RARB: variants seen among roughly 807,000 people sequenced by gnomAD.
The protein encoded by RARB is retinoic acid receptor beta, also known as HBV-activated protein.
Under a neutral mutation model 51.9 loss-of-function variants are expected in RARB, and 17 were observed. The observed-to-expected ratio is 0.33, with a 90% CI of 0.22 to 0.49. RARB has a LOEUF of 0.49. Among genes scored for constraint, RARB ranks in the 20% least tolerant of loss-of-function variants. RARB has a pLI of 0.99. For missense variants in RARB, 369 were observed against 550.8 expected, an observed-to-expected ratio of 0.67 and a Z score of 3.30; for synonymous variants, 215 against 195.4, an observed-to-expected ratio of 1.10 and a Z score of -0.84.
chr3:25,205,094 C>T (rs1701503781), intron 5 of RARB, among the ~76,000 whole-genome samples: 1 of 152,210 alleles, frequency 6.6e-6, no homozygotes, highest in African/African-American at 2.4e-5. Flanking sequence ...TTCCTGGCTG[C>T]TTTGGTTACC....
chr3:25,519,742 T>C (rs1349347909), intron 3 of RARB, among the ~76,000 whole-genome samples: 1 of 152,190 alleles, frequency 6.6e-6, no homozygotes, highest in Non-Finnish European at 1.5e-5. Flanking sequence ...GAAAAGCTAC[T>C]TTTAAAAAGC....
At chr3:25,000,191 T>C (rs529897520) in intron 2 of RARB, among the ~76,000 whole-genome samples, 3 of 152,242 alleles carry the variant, frequency 2.0e-5, no homozygotes, top group African/African-American at 7.2e-5. Context: ...GGTGCAATGA[T>C]TGAGAGATTC....
chr3:25,147,769 G>A (rs1700218116), intron 4 of RARB, among the ~76,000 whole-genome samples: 2 of 152,202 alleles, frequency 1.3e-5, no homozygotes, highest in African/African-American at 4.8e-5. Context: ...AGTTTCCATT[G>A]CAAAGAGGGC....
intron 2 of RARB, among the ~76,000 whole-genome samples, chr3:25,045,679 G>A (rs1698201177): frequency 6.6e-6 from 1 of 152,182 alleles, no homozygotes. Flanking sequence ...AAAAATGTAA[G>A]CTATGAGTCT....
intron 3 of RARB, among the ~76,000 whole-genome samples, chr3:25,535,379 A>T (rs1312646733): frequency 2.0e-5 from 3 of 151,038 alleles, no homozygotes; most frequent in Non-Finnish European, 4.4e-5. Flanking sequence ...ACATCGGGCA[A>T]ATAACCTCTT....
intron 5 of RARB, among the ~76,000 whole-genome samples, chr3:25,378,025 A>G (rs556220442): frequency 6.6e-6 from 1 of 152,300 alleles, no homozygotes; most frequent in East Asian, 1.9e-4. Flanking sequence ...AGCAATTTAG[A>G]TGAAAATGGA....
chr3:25,355,483 A>T (rs926910449), intron 5 of RARB, among the ~76,000 whole-genome samples: 1 of 151,846 alleles, frequency 6.6e-6, no homozygotes, highest in Non-Finnish European at 1.5e-5. Flanking sequence ...TCTTGACAGG[A>T]GTTTATTTGG....
At chr3:25,002,959 T>G (rs1460453614) in intron 2 of RARB, among the ~76,000 whole-genome samples, 4 of 152,112 alleles carry the variant, frequency 2.6e-5, no homozygotes, top group Admixed American at 2.0e-4. Context: ...TACTTTACAA[T>G]AGTAAAAGAT....
chr3:25,210,609 C>G (rs774523101), intron 5 of RARB, among the ~76,000 whole-genome samples: 8 of 136,732 alleles, frequency 5.9e-5, no homozygotes, highest in Non-Finnish European at 9.2e-5. Context: ...AATCTCGGCT[C>G]ACTGCATCCT....
intron 2 of RARB, among the ~76,000 whole-genome samples, chr3:24,866,660 G>C (rs1020403609): frequency 2.0e-5 from 3 of 152,140 alleles, no homozygotes; most frequent in African/African-American, 7.2e-5. Context: ...AGTATGTGGG[G>C]TTTTCTTCCA....
At chr3:25,320,986 C>A (rs1043374932) in intron 5 of RARB, among the ~76,000 whole-genome samples, 3 of 152,170 alleles carry the variant, frequency 2.0e-5, no homozygotes, top group African/African-American at 7.2e-5. Context: ...TTCTTTATAT[C>A]CTTCTTTGAA....
chr3:25,290,090 A>G (rs1034779982), intron 5 of RARB, among the ~76,000 whole-genome samples: 20 of 152,146 alleles, frequency 1.3e-4, no homozygotes, highest in African/African-American at 4.8e-4. Flanking sequence ...TCTTTAGGCT[A>G]ATGAAGCATT....
At chr3:25,529,444 G>A (rs1416138993) in intron 3 of RARB, among the ~76,000 whole-genome samples, 1 of 152,092 alleles carries the variant, frequency 6.6e-6, no homozygotes, top group African/African-American at 2.4e-5. Context: ...ATCTGTCTCT[G>A]ACAACTAAAA....
chr3:25,333,985 C>T (rs971920072), intron 5 of RARB, among the ~76,000 whole-genome samples: 3 of 152,180 alleles, frequency 2.0e-5, no homozygotes, highest in African/African-American at 7.2e-5. Context: ...GAGATACCAT[C>T]TCACACCAGT....
At chr3:24,901,095 A>G (rs1703596250) in intron 2 of RARB, among the ~76,000 whole-genome samples, 1 of 152,196 alleles carries the variant, frequency 6.6e-6, no homozygotes, top group African/African-American at 2.4e-5. Context: ...GGCTCTTGGA[A>G]TAAATTGGAT....
intron 3 of RARB, among the ~76,000 whole-genome samples, chr3:25,530,126 G>C (rs1220575840): frequency 6.6e-6 from 1 of 152,188 alleles, no homozygotes; most frequent in Non-Finnish European, 1.5e-5. Flanking sequence ...TAGACTGAAG[G>C]CTGCCTGAGT....
intron 2 of RARB, among the ~76,000 whole-genome samples, chr3:25,014,366 G>T (rs530770922): frequency 6.6e-6 from 1 of 152,206 alleles, no homozygotes; most frequent in South Asian, 2.1e-4. Context: ...TGAACCACAT[G>T]TAAGGAATTT....
intron 3 of RARB, among the ~76,000 whole-genome samples, chr3:25,117,181 T>C (rs969274746): frequency 6.6e-6 from 1 of 152,178 alleles, no homozygotes. Flanking sequence ...TCCTACAGCA[T>C]GGCAGAGAAC....
chr3:25,382,599 T>C (rs985988421), intron 5 of RARB, among the ~76,000 whole-genome samples: 24 of 152,220 alleles, frequency 1.6e-4, no homozygotes, highest in African/African-American at 5.5e-4. Flanking sequence ...CTCCTGCCTG[T>C]AATCCCAGCA....
Sources: allele counts gnomAD v4.1 joint callset (sites outside exome capture counted in the v4.1 genomes callset), GRCh38; gene constraint gnomAD v4.1.1; transcripts MANE v1.5; gene names NCBI Gene and HGNC (gene_info 2026-07-23, HGNC 2026-07-21).